MED12L: variants seen among roughly 807,000 people sequenced by gnomAD.
The protein encoded by MED12L is mediator complex subunit 12L, also known as mediator of RNA polymerase II transcription subunit 12-like protein.
A neutral mutation model predicts 281.3 loss-of-function variants in MED12L; 60 were observed. The observed-to-expected ratio is 0.21, with a 90% CI of 0.17 to 0.26. The LOEUF is 0.26. Ranked by LOEUF, MED12L falls within the 10% of genes least tolerant of loss-of-function variation. The pLI, the probability that MED12L is intolerant of heterozygous loss-of-function variation, is 1.00. For missense variants in MED12L, 2,146 were observed against 2,680.9 expected, an observed-to-expected ratio of 0.80 and a Z score of 4.41; for synonymous variants, 974 against 987.2, an observed-to-expected ratio of 0.99 and a Z score of 0.25.
chr3:151,159,738 A>T, intron 7 of MED12L, 94 bp from the exon 8 acceptor site: 1 of 1,249,180 alleles, frequency 8.0e-7, no homozygotes, highest in Non-Finnish European at 1.1e-6. Context: ...AAGTTTTTTT[A>T]TCTTTTTTAA....
chr3:151,152,048 C>T (rs1326787888), intron 5 of MED12L, among the ~76,000 whole-genome samples: 1 of 139,698 alleles, frequency 7.2e-6, no homozygotes, highest in Non-Finnish European at 1.5e-5. Flanking sequence ...AGGAGTTTGT[C>T]CTTAATTCAT....
Position 151,163,994 on chromosome 3 carries a change from C to T in MED12L, c.1209C>T (p.Ala403=), listed in dbSNP as rs757441287. The part of the protein sequence containing the change: ...PGSPLDLLQV[A]PSSLPMPGGN... ...CACCCCTGGATCTGCTGCAGGTGGCCCCGTCCAGCCTCCCCATGCCGGGTG... is the reference window on the plus strand; with the variant it reads ...CACCCCTGGATCTGCTGCAGGTGGCTCCGTCCAGCCTCCCCATGCCGGGTG... The change falls in exon 9 of 45, where the codon GCC becomes GCT. Residue 403 remains alanine, a synonymous_variant. Transcript: ENST00000687756. 29 of 1,613,724 alleles carry T rather than the reference C, an allele frequency of 1.8e-5. No homozygotes were observed. Among genetic ancestry groups the T allele is most frequent in the Non-Finnish European group, 2.3e-5 (27 of 1,179,796 alleles).
chr3:151,278,904 C>A (rs1359201491), intron 16 of MED12L, among the ~76,000 whole-genome samples: 1 of 152,120 alleles, frequency 6.6e-6, no homozygotes, highest in African/African-American at 2.4e-5. Context: ...ATTAATTTTC[C>A]CATATTTGAA....
chr3:151,298,965 C>T (rs1175851805), intron 16 of MED12L, among the ~76,000 whole-genome samples: 2 of 152,174 alleles, frequency 1.3e-5, no homozygotes, highest in African/African-American at 2.4e-5. Flanking sequence ...GGTTTAGCCT[C>T]TTAATAACTG....
intron 16 of MED12L, among the ~76,000 whole-genome samples, chr3:151,238,769 A>C (rs1393547358): frequency 1.3e-5 from 2 of 152,264 alleles, no homozygotes; most frequent in Admixed American, 6.5e-5. Context: ...CCATAAAAAT[A>C]TCTTTTTAAT....
At chr3:151,211,023 C>G (rs965489491) in intron 16 of MED12L, among the ~76,000 whole-genome samples, 4 of 152,240 alleles carry the variant, frequency 2.6e-5, no homozygotes, top group African/African-American at 9.6e-5. Context: ...TACACTAGTG[C>G]TAGTGATTTC....
chr3:151,430,283 C>T lies in MED12L; in HGVS notation c.6409-16C>T, dbSNP rs370962949. On this transcript the variant is annotated splice_polypyrimidine_tract_variant and intron_variant, in intron 43 of 44. Coordinates refer to ENST00000687756, the MANE Select transcript of MED12L (RefSeq NM_001393769.1). Reference sequence around the variant, plus strand: ...CCATGGAATGATTTCTGTCCTTTCTCCTGTCGCCATTACAGTTTCCCAGGC... The same window carrying T: ...CCATGGAATGATTTCTGTCCTTTCTTCTGTCGCCATTACAGTTTCCCAGGC... 6.8e-6 allele frequency: 11 copies of T among 1,614,060 alleles called. No homozygotes were observed. The East Asian group carries it at 1.1e-4, about 16-fold the overall frequency.
chr3:151,430,414 T>C, intron 44 of MED12L, 34 bp downstream of exon 44: 1 of 1,609,128 alleles, frequency 6.2e-7, no homozygotes, highest in Non-Finnish European at 8.5e-7. Context: ...AACAGACAGC[T>C]CCCGGAAAAT....
At chr3:151,174,926 C>T (rs1006463258) in intron 11 of MED12L, among the ~76,000 whole-genome samples, 1 of 152,102 alleles carries the variant, frequency 6.6e-6, no homozygotes. Flanking sequence ...AACTCCTGGG[C>T]TCAAGTGATC....
chr3:151,146,394 CAG>C (rs1717765926), intron 5 of MED12L, among the ~76,000 whole-genome samples: 1 of 152,178 alleles, frequency 6.6e-6, no homozygotes, highest in Admixed American at 6.5e-5. Flanking sequence ...TCCTGGGTCT[CAG>C]GGTACAATGG....
In MED12L at chr3:151,100,610, T is replaced by TG. The variant is rs1474808435; in HGVS notation, c.99+13585_99+13586insG. On this transcript the variant is annotated intron_variant, in intron 2 of 44. Coordinates refer to ENST00000687756, the MANE Select transcript of MED12L (RefSeq NM_001393769.1). ...AATATTGACATTGCTTAGGTTCTTT[T>TG]TCATCTTCTTTTTTAATAAAGCTTC... Among the ~76,000 whole-genome samples, 8 of 152,300 alleles carry TG rather than the reference T, an allele frequency of 5.3e-5. No individual in the cohort carries two copies. In the East Asian group the frequency reaches 1.5e-3, roughly 29 times the overall value.
chr3:151,152,393 C>T (rs1029337654), intron 5 of MED12L, among the ~76,000 whole-genome samples: 1 of 152,060 alleles, frequency 6.6e-6, no homozygotes, highest in Non-Finnish European at 1.5e-5. Context: ...TGAGCCACCG[C>T]CTGGCCCATC....
At chr3:151,336,656 T>C (rs1751034074) in intron 16 of MED12L, 1 of 412,994 alleles carries the variant, frequency 2.4e-6, no homozygotes, top group South Asian at 1.8e-5. Context: ...CTGCATGTTA[T>C]AAGTCTGACC....
At chr3:151,170,259 A>G (rs566014487) in intron 11 of MED12L, among the ~76,000 whole-genome samples, 3 of 145,536 alleles carry the variant, frequency 2.1e-5, no homozygotes, top group Non-Finnish European at 3.0e-5. Context: ...GGAATGCACT[A>G]TTTCTTTTTT....
At chr3:151,316,021 G>A (rs1359650468) in intron 16 of MED12L, among the ~76,000 whole-genome samples, 1 of 152,198 alleles carries the variant, frequency 6.6e-6, no homozygotes, top group Non-Finnish European at 1.5e-5. Flanking sequence ...ACAACAGTAA[G>A]CTGTTCCTAA....
chr3:151,386,452 C>T (rs1375723865), intron 36 of MED12L, among the ~76,000 whole-genome samples: 4 of 151,728 alleles, frequency 2.6e-5, no homozygotes, highest in Non-Finnish European at 4.4e-5. Context: ...TGCAGTAGTG[C>T]GATCTTTGCT....
intron 2 of MED12L, among the ~76,000 whole-genome samples, chr3:151,098,591 C>T (rs561058839): frequency 6.6e-6 from 1 of 152,284 alleles, no homozygotes; most frequent in East Asian, 1.9e-4. Flanking sequence ...ATGGTCTTCT[C>T]CACTTTACAT....
At position 151,116,403 on chromosome 3, in the gene MED12L, A is replaced by T; in HGVS notation, c.165A>T (p.Glu55Asp). 3 of 1,613,488 alleles carry T rather than the reference A, an allele frequency of 1.9e-6. No homozygotes were observed. The highest frequency in any genetic ancestry group is 2.5e-6 in the Non-Finnish European group (3 of 1,179,546). ...ATCAGCCAGCCTTCACTGGAGATGAACATGGCTCAGCCAGAAATATTGTAA... is the reference window on the plus strand; with the variant it reads ...ATCAGCCAGCCTTCACTGGAGATGATCATGGCTCAGCCAGAAATATTGTAA... ...FNNQPAFTGDEHGSARNIVIN... is the reference protein window; with the variant it reads ...FNNQPAFTGDDHGSARNIVIN... The change falls in exon 3 of 45, where the codon GAA becomes GAT. Residue 55 changes from glutamate to aspartate, a missense_variant. Physicochemically the swap from Glu to Asp is conservative, Grantham distance 45. Transcript: ENST00000687756.
Position 151,436,526 on chromosome 3 carries a change from G to C in MED12L, c.*3722G>C, listed in dbSNP as rs1419977598. 1 of 574,636 alleles carries C rather than the reference G, an allele frequency of 1.7e-6. No homozygotes were observed. Among genetic ancestry groups the C allele is most frequent in the African/African-American group, 1.9e-5 (1 of 53,454 alleles). 35.6% of individuals were successfully genotyped at this position (574,636 alleles called of 1,614,324 possible). A position where few individuals can be genotyped will look rare whatever the true frequency, so the allele number is the denominator to read the frequency against. ...TCCATTAAATAAATCAGTATCATCA[G>C]TTCATAATGCATTTATTTACAAGTC... is the stretch of plus-strand genomic sequence containing the variant. On this transcript the variant is annotated 3_prime_UTR_variant, in exon 45 of 45. Transcript: ENST00000687756.
Sources: allele counts gnomAD v4.1 joint callset (sites outside exome capture counted in the v4.1 genomes callset), GRCh38; gene constraint gnomAD v4.1.1; transcripts MANE v1.5; gene names NCBI Gene and HGNC (gene_info 2026-07-23, HGNC 2026-07-21).